Variants in RPS6KA2 observed in about 807,000 individuals in gnomAD.
RPS6KA2 encodes the protein ribosomal protein S6 kinase alpha-2.
In RPS6KA2, 42 loss-of-function variants were observed where a neutral mutation model predicts 91.8. The ratio of observed to expected loss-of-function variants is 0.46; its 90% CI spans 0.36 to 0.59. The LOEUF is 0.59. Among genes scored for constraint, RPS6KA2 ranks in the 20% least tolerant of loss-of-function variants. The pLI is 0.00. For synonymous variants in RPS6KA2, 414 were observed against 393.6 expected, an observed-to-expected ratio of 1.05 and a Z score of -0.61; for missense variants, 798 against 978.5, an observed-to-expected ratio of 0.82 and a Z score of 2.46.
rs1562391480 is a variant in RPS6KA2, at chr6:166,702,593, G to C, written c.123+155607C>G. 4 of 1,527,568 alleles carry C rather than the reference G, an allele frequency of 2.6e-6. No homozygotes were observed. In the East Asian group the frequency reaches 6.7e-5, roughly 26 times the overall value. The allele number at this position is 1,527,568 out of a possible 1,614,324, so 94.6% of individuals were successfully genotyped here. ...TGAGGAGGGATATTTCGTATCTGAA[G>C]TTTCCGAATCCTTTGCCTTTTTGGG... On this transcript the variant is annotated intron_variant, in intron 2 of 21. Coordinates refer to the RPS6KA2 transcript ENST00000503859.
chr6:166,564,337 T>C (rs1312161025), intron 1 of RPS6KA2, among the ~76,000 whole-genome samples: 1 of 152,178 alleles, frequency 6.6e-6, no homozygotes, highest in Non-Finnish European at 1.5e-5. Flanking sequence ...GGGTTCCCAG[T>C]GTCAGTCGGA....
At chr6:166,582,043 G>A (rs1432731711) in intron 1 of RPS6KA2, among the ~76,000 whole-genome samples, 1 of 135,722 alleles carries the variant, frequency 7.4e-6, no homozygotes, top group Non-Finnish European at 1.6e-5. Context: ...GGGCAGGTGG[G>A]CTGGGCAGGA....
At chr6:166,558,384 T>C (rs1484774735) in intron 1 of RPS6KA2, among the ~76,000 whole-genome samples, 1 of 152,160 alleles carries the variant, frequency 6.6e-6, no homozygotes, top group Non-Finnish European at 1.5e-5. Context: ...GGAGGAGGCC[T>C]ACCCGTATCT....
Position 166,737,760 on chromosome 6 carries a change from C to A in RPS6KA2, c.123+120440G>T, listed in dbSNP as rs1462633098. On this transcript the variant is annotated intron_variant, in intron 2 of 21. Transcript: ENST00000503859. The surrounding 1 kb of genome is among the most constrained non-coding windows in gnomAD (Gnocchi z 4.3). Reference sequence around the variant, plus strand: ...GGTTCTGAACTTGACAAATGCCGTACCCAAAATAGTATATTCCCTGTTTAG... The same window carrying A: ...GGTTCTGAACTTGACAAATGCCGTAACCAAAATAGTATATTCCCTGTTTAG... 6.6e-6 allele frequency among the ~76,000 whole-genome samples: 1 copy of A among 152,108 alleles called. No individual in the cohort carries two copies. The highest frequency in any genetic ancestry group is 1.5e-5 in the Non-Finnish European group (1 of 68,022).
At chr6:166,812,726 G>T (rs6907907) in intron 2 of RPS6KA2, among the ~76,000 whole-genome samples, 2,027 of 152,278 alleles carry the variant, frequency 0.013, 49 homozygotes, top group African/African-American at 0.046. Flanking sequence ...ATATTTTTAA[G>T]AACCTACTTA....
chr6:166,610,544 C>T (rs148625805), intron 1 of RPS6KA2, among the ~76,000 whole-genome samples: 4 of 152,288 alleles, frequency 2.6e-5, no homozygotes, highest in African/African-American at 4.8e-5. Flanking sequence ...GTGTTTCTGC[C>T]GAGGGCCATG....
chr6:166,672,723 C>T (rs751752726), intron 2 of RPS6KA2, among the ~76,000 whole-genome samples: 9 of 152,202 alleles, frequency 5.9e-5, no homozygotes, highest in South Asian at 2.1e-4. Flanking sequence ...GCCGGCTCAC[C>T]GGATGAGAGC....
chr6:166,561,324 C>T (rs1369074364), intron 1 of RPS6KA2, among the ~76,000 whole-genome samples: 2 of 152,142 alleles, frequency 1.3e-5, no homozygotes, highest in Admixed American at 1.3e-4. Context: ...CCTGCTTTGT[C>T]CCCGATACCC....
chr6:166,587,911 G>A (rs1293945795), intron 1 of RPS6KA2, among the ~76,000 whole-genome samples: 4 of 152,094 alleles, frequency 2.6e-5, no homozygotes, highest in South Asian at 2.1e-4. Flanking sequence ...GAGACCCTGC[G>A]CCCTCCTCAC....
At chr6:166,784,226 C>T (rs1380418906) in intron 2 of RPS6KA2, among the ~76,000 whole-genome samples, 62 of 1,158 alleles carry the variant, frequency 0.054, 31 homozygotes, top group East Asian at 1. Context: ...TGCACACCTA[C>T]GCATAACCAC....
chr6:166,419,964 A>G lies in RPS6KA2; in HGVS notation c.1744-6T>C, dbSNP rs1367815206. 6.2e-7 allele frequency: 1 copy of G among 1,613,050 alleles called. No homozygotes were observed. Among genetic ancestry groups the G allele is most frequent in the Non-Finnish European group, 8.5e-7 (1 of 1,179,306 alleles). ...TAGCCTTGACGCTTCAGGACCTAGG[A>G]GGGAACGACAGGACACCGGCACGCC... On this transcript the variant is annotated splice_region_variant and splice_polypyrimidine_tract_variant and intron_variant, in intron 17 of 20. Transcript: ENST00000265678. This position sits in a 1 kb window ranked among gnomAD's most constrained non-coding sequence, Gnocchi z 5.6.
chr6:166,747,729 G>A (rs781325268), intron 2 of RPS6KA2, among the ~76,000 whole-genome samples: 1 of 152,234 alleles, frequency 6.6e-6, no homozygotes, highest in Non-Finnish European at 1.5e-5. Flanking sequence ...AGCAGCGCTG[G>A]TGTGTGCGTG....
chr6:166,648,351 CCT>C lies in RPS6KA2; in HGVS notation c.124-109569_124-109568del, dbSNP rs754041121. On this transcript the variant is annotated intron_variant, in intron 2 of 21. Coordinates refer to the RPS6KA2 transcript ENST00000503859. The surrounding 1 kb of genome is among the most constrained non-coding windows in gnomAD (Gnocchi z 4.8). ...TACATGCACACGCTTCTCCTCACTC[CCT>C]GATTTTTATGCTGTTTTTCTGAGGG... 1.3e-5 allele frequency among the ~76,000 whole-genome samples: 2 copies of C among 151,618 alleles called. No homozygotes were observed. Among genetic ancestry groups the C allele is most frequent in the Non-Finnish European group, 3.0e-5 (2 of 67,790 alleles).
chr6:166,440,724 C>G (rs753246247), intron 14 of RPS6KA2, among the ~76,000 whole-genome samples: 25 of 152,334 alleles, frequency 1.6e-4, no homozygotes, highest in Non-Finnish European at 1.6e-4. Flanking sequence ...AATGCCACTA[C>G]TAAAAACAGA....
intron 2 of RPS6KA2, among the ~76,000 whole-genome samples, chr6:166,747,663 G>A (rs1182183882): frequency 6.6e-6 from 1 of 152,192 alleles, no homozygotes; most frequent in Non-Finnish European, 1.5e-5. Flanking sequence ...AAACAGAGAG[G>A]GCGGTGGAGG....
chr6:166,662,770 C>T lies in RPS6KA2; in HGVS notation c.124-123986G>A, dbSNP rs1363976949. Among the ~76,000 whole-genome samples the T allele has an allele frequency of 6.6e-6, 1 of 152,142 alleles. No homozygotes were observed. The highest frequency in any genetic ancestry group is 2.4e-5 in the African/African-American group (1 of 41,412). ...CCAAATTCATATGTTGAAGTCCTAA[C>T]CTCTGGTACTTAGACTGTGACTGTG... On this transcript the variant is annotated intron_variant, in intron 2 of 21. Coordinates refer to the RPS6KA2 transcript ENST00000503859. This position sits in a 1 kb window ranked among gnomAD's most constrained non-coding sequence, Gnocchi z 4.3.
At chr6:166,801,980 G>A (rs575472939) in intron 2 of RPS6KA2, among the ~76,000 whole-genome samples, 28 of 151,798 alleles carry the variant, frequency 1.8e-4, no homozygotes, top group African/African-American at 5.3e-4. Context: ...TCCCTAGGCC[G>A]GGCGTGGTGG....
At chr6:166,690,471 G>T (rs1380841305) in intron 2 of RPS6KA2, among the ~76,000 whole-genome samples, 1 of 152,236 alleles carries the variant, frequency 6.6e-6, no homozygotes, top group Non-Finnish European at 1.5e-5. Flanking sequence ...TGCGTGGCTA[G>T]AATTATGTCT....
chr6:166,796,097 C>T (rs546013679), intron 2 of RPS6KA2, among the ~76,000 whole-genome samples: 13 of 152,302 alleles, frequency 8.5e-5, no homozygotes, highest in African/African-American at 2.9e-4. Flanking sequence ...TGGAAAACAG[C>T]AACTTTCAAG....
Sources: gnomAD v4.1 joint callset for allele counts (sites outside exome capture counted in the v4.1 genomes callset) on GRCh38, gnomAD v4.1.1 for gene constraint, Gnocchi (gnomAD v3.1) non-coding constraint, MANE v1.5 for transcripts, NCBI Gene and HGNC (gene_info 2026-07-23, HGNC 2026-07-21) for gene names.